The following CARNMT1 variants were observed in gnomAD, a reference collection of about 807,000 sequenced individuals.
CARNMT1 encodes the protein carnosine N-methyltransferase 1, also known as protein-L-histidine N-pros-methyltransferase CARNMT1.
Under a neutral mutation model 49.6 loss-of-function variants are expected in CARNMT1, and 28 were observed. The observed-to-expected ratio is 0.56, with a 90% confidence interval of 0.42 to 0.77. The LOEUF (loss-of-function observed/expected upper bound fraction) is 0.77. CARNMT1 is among the 30% of genes least tolerant of loss of function. CARNMT1 has a pLI of 0.00. For missense variants in CARNMT1, 421 were observed against 512.6 expected (o/e 0.82, Z 1.73); for synonymous variants, 178 against 175.0 (o/e 1.02, Z -0.13).
intron 6 of CARNMT1, among the ~76,000 whole-genome samples, chr9:74,994,521 C>G (rs1833129290): frequency 6.6e-6 from 1 of 151,960 alleles, no homozygotes; most frequent in Admixed American, 6.6e-5. Flanking sequence ...GTGGTACACC[C>G]AAGTTGGACA....
At chr9:74,983,934 A>G (rs113544239) in intron 7 of CARNMT1, 66 bp from the exon 8 acceptor site, 1 of 1,080,508 alleles carries the variant, frequency 9.3e-7, no homozygotes, top group Non-Finnish European at 1.3e-6. Flanking sequence ...ACAAATTCTG[A>G]GCACATATGT....
At chr9:74,992,124 C>A (rs1350296712) in intron 6 of CARNMT1, among the ~76,000 whole-genome samples, 3 of 151,850 alleles carry the variant, frequency 2.0e-5, no homozygotes, top group Non-Finnish European at 2.9e-5. Flanking sequence ...ATACAAAAAA[C>A]AGCCAGGTGT....
At chr9:74,997,644 G>C (rs914947152) in intron 5 of CARNMT1, among the ~76,000 whole-genome samples, 2 of 151,574 alleles carry the variant, frequency 1.3e-5, no homozygotes, top group Admixed American at 6.6e-5. Flanking sequence ...TCAGTGGTTT[G>C]TCTGTGTACT....
chr9:74,988,063 TTTC>T (rs1832899577), intron 6 of CARNMT1, among the ~76,000 whole-genome samples: 1 of 152,116 alleles, frequency 6.6e-6, no homozygotes, highest in African/African-American at 2.4e-5. Flanking sequence ...TCGTTCTTTT[TTTC>T]TTTTTTAATT....
chr9:75,014,885 AAAAAT>A (rs1833800217), intron 3 of CARNMT1, among the ~76,000 whole-genome samples: 1 of 151,430 alleles, frequency 6.6e-6, no homozygotes, highest in African/African-American at 2.4e-5. Context: ...TGTCCTAACA[AAAAAT>A]AAAGAGAGAG....
At chr9:75,015,584 G>A (rs553916534) in intron 3 of CARNMT1, among the ~76,000 whole-genome samples, 7 of 151,896 alleles carry the variant, frequency 4.6e-5, no homozygotes, top group African/African-American at 1.7e-4. Flanking sequence ...TCAGGAGTTC[G>A]AGACCAGCCT....
At chr9:75,015,811 TAAATA>T (rs2118854091) in intron 3 of CARNMT1, 1 of 148,930 alleles carries the variant, frequency 6.7e-6, no homozygotes, top group Admixed American at 6.7e-5. Flanking sequence ...AATAAATAAA[TAAATA>T]AAATAAAAAA....
At chr9:75,015,787 A>T (rs997801998) in intron 3 of CARNMT1, 4 of 149,140 alleles carry the variant, frequency 2.7e-5, no homozygotes, top group East Asian at 1.9e-4. Context: ...CTGTCTCAAA[A>T]AAATAAATAA....
At chr9:74,983,981 T>A (rs1347234034) in intron 7 of CARNMT1, 113 bp from the exon 8 acceptor site, 2 of 578,132 alleles carry the variant, frequency 3.5e-6, no homozygotes, top group South Asian at 3.4e-5. Context: ...TATTCATTTA[T>A]TACATACAAC....
intron 3 of CARNMT1, among the ~76,000 whole-genome samples, chr9:75,008,355 G>A (rs755044350): frequency 2.0e-5 from 3 of 151,888 alleles, no homozygotes; most frequent in Non-Finnish European, 2.9e-5. Context: ...TTCTTGAGAC[G>A]GAGTCTCACT....
rs200378073 is a variant in CARNMT1, at chr9:75,028,091, T to A, written c.151A>T (p.Thr51Ser). ...AAVSAAAAAATRSTEEEEERL... is the reference protein window; with the variant it reads ...AAVSAAAAAASRSTEEEEERL... ...TCCTCCTCCTCCTCGGTGCTGCGCGTGGCCGCCGCCGCTGCCGCCGAAACC... is the reference window on the plus strand; with the variant it reads ...TCCTCCTCCTCCTCGGTGCTGCGCGAGGCCGCCGCCGCTGCCGCCGAAACC... Residue 51 changes from threonine to serine, a missense_variant, in exon 1 of 8, where the codon ACG (threonine) becomes TCG (serine). Coordinates refer to ENST00000376834, the MANE Select transcript of CARNMT1 (RefSeq NM_152420.3). 111 of 1,557,272 alleles carry A rather than the reference T, an allele frequency of 7.1e-5. No homozygotes were observed. Among genetic ancestry groups the A allele is most frequent in the Admixed American group, 3.6e-4 (19 of 53,458 alleles).
chr9:75,018,968 TAAAAAA>T (rs35324700), intron 1 of CARNMT1, among the ~76,000 whole-genome samples: 1 of 74,602 alleles, frequency 1.3e-5, no homozygotes. Context: ...CTCCATCTCA[TAAAAAA>T]AAAAAAAAAA....
rs1822563875 is a variant in CARNMT1 at position 75,027,443 on chromosome 9, G to A, written c.230+569C>T. 7 of 985,258 alleles carry A rather than the reference G, an allele frequency of 7.1e-6. No individual in the cohort carries two copies. In the South Asian group the frequency reaches 3.3e-4, roughly 46 times the overall value. The allele number at this position is 985,258 out of a possible 1,614,324, so 61.0% of individuals were successfully genotyped here. On this transcript the variant is annotated intron_variant, in intron 1 of 7. Coordinates refer to ENST00000376834, the MANE Select transcript of CARNMT1 (RefSeq NM_152420.3). ...CGCCCTTAATCACCCACCAGTTAAA[G>A]ACACTGAGCAGCATCATTCAATCGC...
At chr9:74,991,072 T>C (rs1297446025) in intron 6 of CARNMT1, 1 of 152,104 alleles carries the variant, frequency 6.6e-6, no homozygotes, top group East Asian at 1.9e-4. Flanking sequence ...ATAGTGATAT[T>C]GACATGCCCA....
intron 1 of CARNMT1, among the ~76,000 whole-genome samples, chr9:75,020,345 G>T (rs1213177688): frequency 1.4e-4 from 19 of 138,926 alleles, no homozygotes; most frequent in Non-Finnish European, 1.5e-5. Context: ...TCAGCTCACT[G>T]CAACCTCCCC....
intron 7 of CARNMT1, among the ~76,000 whole-genome samples, chr9:74,984,646 T>C (rs1305633447): frequency 1.3e-5 from 2 of 152,186 alleles, no homozygotes; most frequent in African/African-American, 4.8e-5. Context: ...ATATAAAACA[T>C]AAATGAATTT....
intron 3 of CARNMT1, among the ~76,000 whole-genome samples, chr9:75,015,206 C>T (rs1019264806): frequency 7.9e-5 from 12 of 152,156 alleles, no homozygotes; most frequent in South Asian, 6.2e-4. Context: ...CCCTCAATTA[C>T]GGATGCAGGC....
chr9:74,990,662 C>G (rs1832983292), intron 6 of CARNMT1, among the ~76,000 whole-genome samples: 1 of 152,274 alleles, frequency 6.6e-6, no homozygotes, highest in South Asian at 2.1e-4. Flanking sequence ...ACAAACCATT[C>G]CCCATTAAAA....
At chr9:74,992,237 A>G (rs1252744576) in intron 6 of CARNMT1, among the ~76,000 whole-genome samples, 1 of 151,642 alleles carries the variant, frequency 6.6e-6, no homozygotes, top group Non-Finnish European at 1.5e-5. Context: ...GTACCACTGC[A>G]CTCCAGCCTG....
Sources: allele counts gnomAD v4.1 joint callset (sites outside exome capture counted in the v4.1 genomes callset), GRCh38; gene constraint gnomAD v4.1.1; transcripts MANE v1.5; gene names NCBI Gene and HGNC (gene_info 2026-07-23, HGNC 2026-07-21).